Variants in CACNA1E observed in about 807,000 individuals in gnomAD.
The protein encoded by CACNA1E is calcium voltage-gated channel subunit alpha1 E.
CACNA1E carries 40 observed loss-of-function variants against 259.2 expected under a neutral mutation model. That is an observed-to-expected ratio of 0.15 (90% CI 0.12 to 0.20). CACNA1E has a LOEUF of 0.20. CACNA1E is among the 10% of genes least tolerant of loss of function. The pLI is 1.00. For missense variants in CACNA1E, 1,874 were observed against 3,040.1 expected, an observed-to-expected ratio of 0.62 and a Z score of 9.02; for synonymous variants, 1,104 against 1,138.5, an observed-to-expected ratio of 0.97 and a Z score of 0.61.
At chr1:181,563,752 A>G (rs1300743008) in intron 3 of CACNA1E, among the ~76,000 whole-genome samples, 2 of 152,198 alleles carry the variant, frequency 1.3e-5, no homozygotes, top group Non-Finnish European at 2.9e-5. Flanking sequence ...TGCCAGTTAC[A>G]TAGTTTTGGG....
chr1:181,522,873 A>G (rs936876506), intron 3 of CACNA1E, among the ~76,000 whole-genome samples: 2 of 152,170 alleles, frequency 1.3e-5, no homozygotes, highest in South Asian at 4.1e-4. Flanking sequence ...TCCATCCCAC[A>G]TCCCCTCTTC....
chr1:181,320,694 T>C (rs1650270817), intron 1 of CACNA1E, among the ~76,000 whole-genome samples: 1 of 152,196 alleles, frequency 6.6e-6, no homozygotes, highest in African/African-American at 2.4e-5. Flanking sequence ...GTTGATGGCA[T>C]CTGACTCACA....
chr1:181,745,494 A>G, intron 25 of CACNA1E: 1 of 341,224 alleles, frequency 2.9e-6, no homozygotes, highest in East Asian at 7.5e-5. Context: ...TATAAAATGC[A>G]CCCTGTGAGC....
At chr1:181,580,049 A>G (rs909179136) in intron 5 of CACNA1E, among the ~76,000 whole-genome samples, 1 of 152,226 alleles carries the variant, frequency 6.6e-6, no homozygotes, top group Non-Finnish European at 1.5e-5. Context: ...AAGAATTCCA[A>G]ATAAGTACCA....
intron 7 of CACNA1E, among the ~76,000 whole-genome samples, chr1:181,703,551 A>G (rs569235440): frequency 6.6e-6 from 1 of 152,214 alleles, no homozygotes; most frequent in South Asian, 2.1e-4. Context: ...ATTAATTGTC[A>G]TGCTTTTCTT....
intron 3 of CACNA1E, among the ~76,000 whole-genome samples, chr1:181,529,654 G>T (rs935685962): frequency 2.0e-5 from 3 of 152,250 alleles, no homozygotes; most frequent in African/African-American, 7.2e-5. Context: ...CTGGATGTGA[G>T]ATCTGGAGTC....
chr1:181,641,792 C>T (rs180755214), intron 6 of CACNA1E, among the ~76,000 whole-genome samples: 167 of 134,594 alleles, frequency 1.2e-3, no homozygotes, highest in Non-Finnish European at 2.0e-3. Flanking sequence ...CGGCTTACTG[C>T]AACCTCCGTC....
intron 2 of CACNA1E, among the ~76,000 whole-genome samples, chr1:181,456,582 C>T (rs1661474130): frequency 6.6e-6 from 1 of 152,162 alleles, no homozygotes; most frequent in African/African-American, 2.4e-5. Context: ...AGGGTTGGGG[C>T]CAAGGGAGCC....
rs1368728089 is a variant in CACNA1E at position 181,776,977 on chromosome 1, G to A, written c.5267+749G>A. ...GTCTCTGGCTGCTTACATACTACAA[G>A]GAAGAGGTGAGTGATTGTGACAGAG... On this transcript the variant is annotated intron_variant, in intron 38 of 47. Transcript: ENST00000367573. This position sits in a 1 kb window ranked among gnomAD's most constrained non-coding sequence, Gnocchi z 4.4. 1.3e-5 allele frequency among the ~76,000 whole-genome samples: 2 copies of A among 152,194 alleles called. No homozygotes were observed. The highest frequency in any genetic ancestry group is 2.9e-5 in the Non-Finnish European group (2 of 68,034).
intron 6 of CACNA1E, among the ~76,000 whole-genome samples, chr1:181,648,566 G>A (rs1369102029): frequency 6.6e-6 from 1 of 152,186 alleles, no homozygotes; most frequent in Admixed American, 6.5e-5. Context: ...CACGGGCTCA[G>A]AAGAAAATAT....
chr1:181,444,485 T>G (rs1660689720), intron 2 of CACNA1E, among the ~76,000 whole-genome samples: 1 of 151,942 alleles, frequency 6.6e-6, no homozygotes, highest in African/African-American at 2.4e-5. Flanking sequence ...GACTTGGTGA[T>G]TATCTGGAGA....
At chr1:181,723,755 T>C (rs1367398397) in intron 16 of CACNA1E, among the ~76,000 whole-genome samples, 1 of 152,164 alleles carries the variant, frequency 6.6e-6, no homozygotes, top group Non-Finnish European at 1.5e-5. Flanking sequence ...CATTTACTGG[T>C]TTATTATAAA....
At chr1:181,455,601 C>T (rs1005031293) in intron 2 of CACNA1E, among the ~76,000 whole-genome samples, 5 of 152,232 alleles carry the variant, frequency 3.3e-5, no homozygotes, top group African/African-American at 9.6e-5. Flanking sequence ...TTGCCCCAGT[C>T]ACTGAATCAA....
chr1:181,418,629 T>C (rs1658468138), intron 2 of CACNA1E, among the ~76,000 whole-genome samples: 1 of 152,170 alleles, frequency 6.6e-6, no homozygotes. Flanking sequence ...TATTGATTTC[T>C]CTCCAAACCT....
intron 2 of CACNA1E, among the ~76,000 whole-genome samples, chr1:181,415,078 C>T (rs1425098348): frequency 6.6e-6 from 1 of 152,198 alleles, no homozygotes; most frequent in Non-Finnish European, 1.5e-5. Context: ...GCTCTGATAG[C>T]TGGCCTTTCT....
intron 8 of CACNA1E, among the ~76,000 whole-genome samples, chr1:181,712,261 G>A (rs1391138909): frequency 6.6e-6 from 1 of 152,108 alleles, no homozygotes; most frequent in Non-Finnish European, 1.5e-5. Flanking sequence ...TTTAAAGGTT[G>A]GTTTGCATTA....
At chr1:181,336,483 T>C (rs1013211963) in intron 1 of CACNA1E, among the ~76,000 whole-genome samples, 11 of 152,222 alleles carry the variant, frequency 7.2e-5, no homozygotes, top group Admixed American at 2.6e-4. Context: ...GATTTAGGCC[T>C]AGCACAGCTG....
intron 3 of CACNA1E, among the ~76,000 whole-genome samples, chr1:181,529,794 C>T (rs1667638606): frequency 6.6e-6 from 1 of 152,204 alleles, no homozygotes; most frequent in Non-Finnish European, 1.5e-5. Flanking sequence ...AATACCTGTA[C>T]CTCCATTGTA....
At chr1:181,376,637 T>C (rs1655120098) in intron 1 of CACNA1E, among the ~76,000 whole-genome samples, 1 of 152,202 alleles carries the variant, frequency 6.6e-6, no homozygotes, top group Admixed American at 6.5e-5. Context: ...TCTGTCTTGC[T>C]GCAGGGTTGG....
Sources: gnomAD v4.1 joint callset for allele counts (sites outside exome capture counted in the v4.1 genomes callset) on GRCh38, gnomAD v4.1.1 for gene constraint, Gnocchi (gnomAD v3.1) non-coding constraint, MANE v1.5 for transcripts, NCBI Gene and HGNC (gene_info 2026-07-23, HGNC 2026-07-21) for gene names.